The following SERPINB7 variants were observed in gnomAD, a reference collection of about 807,000 sequenced individuals.
SERPINB7 encodes serpin B7.
A neutral mutation model predicts 37.4 loss-of-function variants in SERPINB7; 31 were observed. The ratio of observed to expected loss-of-function variants is 0.83; its 90% CI spans 0.62 to 1.12. The LOEUF (loss-of-function observed/expected upper bound fraction) is 1.12. SERPINB7 is among the 50% of genes most tolerant of loss of function. The pLI, the probability that SERPINB7 is intolerant of heterozygous loss-of-function variation, is 0.00. For synonymous variants in SERPINB7, 163 were observed against 166.1 expected (o/e 0.98, Z 0.14); for missense variants, 521 against 455.3 (o/e 1.14, Z -1.31).
chr18:63,792,480 G>A (rs749696420), intron 3 of SERPINB7, 37 bp downstream of exon 3: 5 of 1,425,670 alleles, frequency 3.5e-6, no homozygotes, highest in Non-Finnish European at 4.9e-6. Flanking sequence ...AAGAGAAGGT[G>A]AGCCAGGTGC....
chr18:63,766,585 C>T (rs1238461869), intron 1 of SERPINB7, among the ~76,000 whole-genome samples: 1 of 152,078 alleles, frequency 6.6e-6, no homozygotes, highest in Non-Finnish European at 1.5e-5. Flanking sequence ...TTTGCTCATG[C>T]CCTTGGGGAT....
intron 2 of SERPINB7, among the ~76,000 whole-genome samples, chr18:63,782,996 G>A (rs1212909244): frequency 6.6e-6 from 1 of 151,390 alleles, no homozygotes; most frequent in Non-Finnish European, 1.5e-5. Context: ...AAATTAGCCG[G>A]GCATGGTGGC....
At chr18:63,772,363 T>A (rs2144595932), upstream of SERPINB7, among the ~76,000 whole-genome samples, 1 of 151,928 alleles carries the variant, frequency 6.6e-6, no homozygotes, top group South Asian at 2.1e-4. Flanking sequence ...TAGGTAGAGG[T>A]TTTAAAGCTC....
At chr18:63,762,446 T>G (rs1325988269) in intron 1 of SERPINB7, among the ~76,000 whole-genome samples, 1 of 152,206 alleles carries the variant, frequency 6.6e-6, no homozygotes, top group African/African-American at 2.4e-5. Flanking sequence ...GAGTCTGATT[T>G]ACAGATTACG....
At chr18:63,776,574 G>T (rs1184354352) in intron 1 of SERPINB7, among the ~76,000 whole-genome samples, 2 of 150,778 alleles carry the variant, frequency 1.3e-5, no homozygotes, top group Non-Finnish European at 3.0e-5. Flanking sequence ...ACCTTCTTGT[G>T]TGCCTTAAGA....
At chr18:63,753,369 C>A (rs566068197) in intron 1 of SERPINB7, among the ~76,000 whole-genome samples, 2 of 152,000 alleles carry the variant, frequency 1.3e-5, no homozygotes, top group African/African-American at 4.8e-5. Context: ...AATTGACGGC[C>A]GCATCTATAA....
At chr18:63,796,575 T>A (rs540440662) in intron 5 of SERPINB7, among the ~76,000 whole-genome samples, 192 bp downstream of exon 5, 1 of 152,350 alleles carries the variant, frequency 6.6e-6, no homozygotes, top group South Asian at 2.1e-4. Flanking sequence ...ATTTGAATGC[T>A]TTGTACTTTT....
intron 2 of SERPINB7, among the ~76,000 whole-genome samples, chr18:63,784,698 A>C (rs981780426): frequency 2.6e-5 from 4 of 152,180 alleles, no homozygotes; most frequent in African/African-American, 9.7e-5. Context: ...CTCTGTGGGC[A>C]CTAGTGTCCT....
chr18:63,794,559 A>G lies in SERPINB7; in HGVS notation c.336+1282A>G, dbSNP rs949641447. Among the ~76,000 whole-genome samples the G allele has an allele frequency of 2.0e-5, 3 of 152,038 alleles. 1 individual carries two copies. Among genetic ancestry groups the G allele is most frequent in the South Asian group, 4.2e-4 (2 of 4,816 alleles). On this transcript the variant is annotated intron_variant, in intron 4 of 7. Transcript: ENST00000398019. ...CAAAAAATTAGCCGGGCGCGGTGGC[A>G]GGCGCCTGTAGTCCCAGCTACTCGG...
At chr18:63,783,270 GAAA>G (rs1319731599) in intron 2 of SERPINB7, among the ~76,000 whole-genome samples, 4 of 149,586 alleles carry the variant, frequency 2.7e-5, no homozygotes, top group Non-Finnish European at 4.4e-5. Flanking sequence ...AAGAAAGAAA[GAAA>G]GAAAGAAAGA....
intron 1 of SERPINB7, among the ~76,000 whole-genome samples, chr18:63,767,711 T>C (rs1191952125): frequency 2.0e-5 from 3 of 152,082 alleles, no homozygotes; most frequent in Non-Finnish European, 4.4e-5. Context: ...AACTGTTATT[T>C]CTCATTTTCT....
intron 2 of SERPINB7, among the ~76,000 whole-genome samples, chr18:63,784,954 G>A (rs1207864353): frequency 6.6e-6 from 1 of 152,164 alleles, no homozygotes; most frequent in Non-Finnish European, 1.5e-5. Flanking sequence ...TGCCTGGTGG[G>A]CCAGGGTCAA....
intron 1 of SERPINB7, among the ~76,000 whole-genome samples, chr18:63,780,044 G>A (rs538800629): frequency 6.6e-6 from 1 of 151,926 alleles, no homozygotes; most frequent in Non-Finnish European, 1.5e-5. Context: ...AAACCTTTCA[G>A]GTCTTATTTT....
At position 63,782,501 on chromosome 18, in the gene SERPINB7, C is replaced by T; in HGVS notation, c.129C>T (p.Arg43=). The change falls in exon 2 of 8, where the codon CGC becomes CGT. Residue 43 remains arginine, a synonymous_variant. Transcript: ENST00000398019. ...LSLFAALALV[R]LGAQDDSLSQ... Reference sequence around the variant, plus strand: ...TCTTCGCTGCCCTGGCCCTGGTCCGCTTGGGCGCTCAAGATGACTCCCTCT... The same window carrying T: ...TCTTCGCTGCCCTGGCCCTGGTCCGTTTGGGCGCTCAAGATGACTCCCTCT... 6.2e-7 allele frequency: 1 copy of T among 1,613,720 alleles called. No homozygotes were observed. Among genetic ancestry groups the T allele is most frequent in the Non-Finnish European group, 8.5e-7 (1 of 1,179,784 alleles).
At chr18:63,799,928 T>C (rs2049529280) in intron 6 of SERPINB7, among the ~76,000 whole-genome samples, 1 of 152,234 alleles carries the variant, frequency 6.6e-6, no homozygotes, top group Non-Finnish European at 1.5e-5. Context: ...CACCTCAGTG[T>C]TGTCTCTAAA....
chr18:63,763,590 T>C (rs776416116), intron 1 of SERPINB7, among the ~76,000 whole-genome samples: 3 of 152,184 alleles, frequency 2.0e-5, no homozygotes, highest in Non-Finnish European at 4.4e-5. Flanking sequence ...TAAAGGATGA[T>C]ACTAATCCAA....
intron 1 of SERPINB7, among the ~76,000 whole-genome samples, chr18:63,754,189 A>G (rs898074065): frequency 3.3e-5 from 5 of 152,238 alleles, no homozygotes; most frequent in Non-Finnish European, 5.9e-5. Flanking sequence ...GTTTAAATAA[A>G]TCTATTCTGG....
rs1228058797 is a variant in SERPINB7, at chr18:63,801,004, C to G, written c.736C>G (p.Leu246Val). 2 of 1,613,182 alleles carry G rather than the reference C, an allele frequency of 1.2e-6. No individual in the cohort carries two copies. Among genetic ancestry groups the G allele is most frequent in the South Asian group, 2.2e-5 (2 of 90,832 alleles). The change falls in exon 7 of 8, where the codon CTC (leucine) becomes GTC (valine). Residue 246 changes from leucine to valine, a missense_variant. Coordinates refer to ENST00000398019, the MANE Select transcript of SERPINB7 (RefSeq NM_003784.4). ...NMYVLLPEND[L>V]SEIENKLTFQ... ...GTACGTTCTGCTGCCTGAGAATGACCTCTCTGAAGTAAGTTACGACTGTCA... is the reference window on the plus strand; with the variant it reads ...GTACGTTCTGCTGCCTGAGAATGACGTCTCTGAAGTAAGTTACGACTGTCA...
chr18:63,783,300 C>CAAA (rs1325121160), intron 2 of SERPINB7, among the ~76,000 whole-genome samples: 2 of 139,912 alleles, frequency 1.4e-5, no homozygotes, highest in East Asian at 4.2e-4. Context: ...GAAAGAAATG[C>CAAA]AAATGCTTGG....
Sources: gnomAD v4.1 joint callset for allele counts (sites outside exome capture counted in the v4.1 genomes callset) on GRCh38, gnomAD v4.1.1 for gene constraint, MANE v1.5 for transcripts, NCBI Gene and HGNC (gene_info 2026-07-23, HGNC 2026-07-21) for gene names.